Variants in SLC7A11 observed in about 807,000 individuals in gnomAD.
The protein encoded by SLC7A11 is cystine/glutamate transporter.
SLC7A11 carries 35 observed loss-of-function variants against 54.5 expected under a neutral mutation model. The ratio of observed to expected loss-of-function variants is 0.64; its 90% CI spans 0.49 to 0.85. The LOEUF (loss-of-function observed/expected upper bound fraction) is 0.85, where lower values mean the gene tolerates loss of function less well. Ranked by LOEUF, SLC7A11 falls within the 40% of genes least tolerant of loss-of-function variation. The pLI, the probability that SLC7A11 is intolerant of heterozygous loss-of-function variation, is 0.00. For synonymous variants in SLC7A11, 230 were observed against 225.2 expected, an observed-to-expected ratio of 1.02 and a Z score of -0.19; for missense variants, 583 against 618.1, an observed-to-expected ratio of 0.94 and a Z score of 0.60.
intron 6 of SLC7A11, among the ~76,000 whole-genome samples, chr4:138,196,728 C>T (rs567575459): frequency 2.6e-5 from 4 of 152,178 alleles, no homozygotes; most frequent in South Asian, 2.1e-4. Context: ...GGCACAATCT[C>T]GGCTCACTGC....
chr4:138,230,301 G>T (rs1309247713), intron 3 of SLC7A11, among the ~76,000 whole-genome samples: 2 of 151,648 alleles, frequency 1.3e-5, no homozygotes, highest in East Asian at 3.9e-4. Flanking sequence ...AAAATAGCTT[G>T]GGTACCAGGT....
At chr4:138,180,465 G>GT (rs911517603) in intron 10 of SLC7A11, among the ~76,000 whole-genome samples, 176 bp downstream of exon 10, 6 of 151,946 alleles carry the variant, frequency 3.9e-5, no homozygotes, top group East Asian at 1.9e-4. Context: ...TGGATCCACT[G>GT]TTTTTTTTCC....
chr4:138,231,241 A>G (rs1459538510), intron 3 of SLC7A11, among the ~76,000 whole-genome samples: 1 of 152,136 alleles, frequency 6.6e-6, no homozygotes, highest in South Asian at 2.1e-4. Flanking sequence ...TACGATGTAC[A>G]CTATTTGGGT....
rs1451735471 is a variant in SLC7A11 at position 138,171,777 on chromosome 4, G to A, written c.*179C>T. ...CATATTCACTTTCTATAACTACATA[G>A]AGTTATAACTAAATTTCTTAGAAAT... On this transcript the variant is annotated 3_prime_UTR_variant, in exon 12 of 12. Transcript: ENST00000280612. The A allele has an allele frequency of 1.4e-5, 10 of 711,464 alleles. No individual in the cohort carries two copies. Among genetic ancestry groups the A allele is most frequent in the Non-Finnish European group, 2.2e-5 (10 of 463,346 alleles). 44.1% of individuals were successfully genotyped at this position (711,464 alleles called of 1,614,324 possible). A position where few individuals can be genotyped will look rare whatever the true frequency, so the allele number is the denominator to read the frequency against.
chr4:138,196,939 C>T (rs577395761), intron 6 of SLC7A11, among the ~76,000 whole-genome samples: 6 of 152,254 alleles, frequency 3.9e-5, no homozygotes, highest in African/African-American at 7.2e-5. Context: ...GGATTACAGG[C>T]GTGAGCCACC....
chr4:138,186,888 A>G (rs1436287698), intron 6 of SLC7A11, among the ~76,000 whole-genome samples: 1 of 152,152 alleles, frequency 6.6e-6, no homozygotes, highest in Non-Finnish European at 1.5e-5. Flanking sequence ...AGATCCCCAT[A>G]TGGGGAGTAA....
intron 6 of SLC7A11, among the ~76,000 whole-genome samples, chr4:138,200,893 A>G (rs1268661280): frequency 6.6e-6 from 1 of 152,152 alleles, no homozygotes; most frequent in Non-Finnish European, 1.5e-5. Flanking sequence ...TAATATGATA[A>G]TTGAAACCAT....
chr4:138,181,308 CT>C (rs1736735611), intron 9 of SLC7A11, among the ~76,000 whole-genome samples: 1 of 151,918 alleles, frequency 6.6e-6, no homozygotes, highest in Non-Finnish European at 1.5e-5. Context: ...AAACATTGAC[CT>C]TTTTTCCTCC....
Position 138,189,806 on chromosome 4 carries a change from T to C in SLC7A11, c.792-4562A>G, listed in dbSNP as rs74756330. Reference sequence around the variant, plus strand: ...TGACTATTGTTTCCAGTGCATCATTTTCGCTAAAAGTGATCCTTGCTATGA... The same window carrying C: ...TGACTATTGTTTCCAGTGCATCATTCTCGCTAAAAGTGATCCTTGCTATGA... On this transcript the variant is annotated intron_variant, in intron 6 of 11. Coordinates refer to ENST00000280612, the MANE Select transcript of SLC7A11 (RefSeq NM_014331.4). 3.3e-3 allele frequency among the ~76,000 whole-genome samples: 501 copies of C among 152,282 alleles called. 5 individuals are homozygous for C. In the East Asian group the frequency reaches 0.046, roughly 14 times the overall value.
intron 6 of SLC7A11, among the ~76,000 whole-genome samples, chr4:138,204,237 C>T (rs953331649): frequency 6.6e-6 from 1 of 152,076 alleles, no homozygotes; most frequent in Non-Finnish European, 1.5e-5. Context: ...CTGGTCTTCT[C>T]ATTGGCTAAC....
chr4:138,206,781 T>G (rs186006684), intron 6 of SLC7A11, among the ~76,000 whole-genome samples: 207 of 152,028 alleles, frequency 1.4e-3, no homozygotes, highest in Admixed American at 4.1e-3. Flanking sequence ...AACCACATGT[T>G]CTATTAGTGC....
Position 138,233,014 on chromosome 4 carries a change from G to A in SLC7A11, c.405-632C>T, listed in dbSNP as rs560436361. Among the ~76,000 whole-genome samples, 109 of 151,806 alleles carry A rather than the reference G, an allele frequency of 7.2e-4. 1 individual carries two copies. In the South Asian group the frequency reaches 9.1e-3, roughly 13 times the overall value. ...GATACAATTAAGAAAATATAAATGAGACAAGAATATGAAATAAATTCAGGT... is the reference window on the plus strand; with the variant it reads ...GATACAATTAAGAAAATATAAATGAAACAAGAATATGAAATAAATTCAGGT... On this transcript the variant is annotated intron_variant, in intron 2 of 11. Transcript: ENST00000280612.
rs1002293526 is a variant in SLC7A11 at position 138,170,541 on chromosome 4, C to G, written c.*1415G>C. On this transcript the variant is annotated 3_prime_UTR_variant, in exon 12 of 12. Transcript: ENST00000280612. Reference sequence around the variant, plus strand: ...ATGTTGGTCAGGCTGGTCTAGAACTCCCGACCTCAGGTGATCCACCCCCTC... The same window carrying G: ...ATGTTGGTCAGGCTGGTCTAGAACTGCCGACCTCAGGTGATCCACCCCCTC... The G allele has an allele frequency of 6.6e-6, 1 of 151,720 alleles. No individual in the cohort carries two copies. The highest frequency in any genetic ancestry group is 1.5e-5 in the Non-Finnish European group (1 of 67,980). The allele number at this position is 151,720 out of a possible 1,614,324, so 9.4% of individuals were successfully genotyped here. A position where few individuals can be genotyped will look rare whatever the true frequency, so the allele number is the denominator to read the frequency against.
In SLC7A11 at chr4:138,168,149, GTCT is replaced by G. The variant is rs879760855; in HGVS notation, c.*3804_*3806del. ...GGTAGAAGTGTACACAACTTTGCTG[GTCT>G]TCTTCAACAAAATTAGTACAGAATT... On this transcript the variant is annotated 3_prime_UTR_variant, in exon 12 of 12. Coordinates refer to ENST00000280612, the MANE Select transcript of SLC7A11 (RefSeq NM_014331.4). The G allele has an allele frequency of 2.0e-5, 3 of 152,046 alleles. No individual in the cohort carries two copies. The highest frequency in any genetic ancestry group is 4.4e-5 in the Non-Finnish European group (3 of 68,008). 9.4% of individuals were successfully genotyped at this position (152,046 alleles called of 1,614,324 possible).
In SLC7A11 at chr4:138,165,912, T is replaced by G. The variant is rs1264885668; in HGVS notation, c.*6044A>C. 6.6e-6 allele frequency: 1 copy of G among 152,216 alleles called. No homozygotes were observed. The highest frequency in any genetic ancestry group is 2.4e-5 in the African/African-American group (1 of 41,466). 9.4% of individuals were successfully genotyped at this position (152,216 alleles called of 1,614,324 possible). ...AAATTGTTGGAGAATTCTGGTTGTT[T>G]GTGCAATAATCATAGTGATTTACAT... is the stretch of plus-strand genomic sequence containing the variant. On this transcript the variant is annotated 3_prime_UTR_variant, in exon 12 of 12. Coordinates refer to ENST00000280612, the MANE Select transcript of SLC7A11 (RefSeq NM_014331.4).
At chr4:138,189,952 G>T (rs958918185) in intron 6 of SLC7A11, among the ~76,000 whole-genome samples, 1 of 152,086 alleles carries the variant, frequency 6.6e-6, no homozygotes, top group Non-Finnish European at 1.5e-5. Flanking sequence ...TTCTCTAATC[G>T]TCTGAATTTA....
rs1359024881 is a variant in SLC7A11, at chr4:138,242,121, T to C, written c.-52A>G. 5 of 1,571,946 alleles carry C rather than the reference T, an allele frequency of 3.2e-6. No individual in the cohort carries two copies. The East Asian group carries it at 7.0e-5, about 22-fold the overall frequency. On this transcript the variant is annotated 5_prime_UTR_variant, in exon 1 of 12. Coordinates refer to ENST00000280612, the MANE Select transcript of SLC7A11 (RefSeq NM_014331.4). ...AACAGAGGGAAAGAAAACAAAACTT[T>C]CAACTTTGGTGTCTCTTGGTGTTAC...
intron 4 of SLC7A11, among the ~76,000 whole-genome samples, chr4:138,222,899 A>T (rs1237957448): frequency 2.4e-4 from 27 of 113,816 alleles, no homozygotes; most frequent in Non-Finnish European, 4.8e-4. Context: ...AATTAAAACT[A>T]AGTGGCAGGT....
intron 6 of SLC7A11, among the ~76,000 whole-genome samples, chr4:138,207,540 A>C (rs957046862): frequency 9.2e-5 from 14 of 152,028 alleles, no homozygotes; most frequent in African/African-American, 3.4e-4. Flanking sequence ...CCCCATTTCT[A>C]CTAAAAATAC....
Sources: allele counts gnomAD v4.1 joint callset (sites outside exome capture counted in the v4.1 genomes callset), GRCh38; gene constraint gnomAD v4.1.1; transcripts MANE v1.5; gene names NCBI Gene and HGNC (gene_info 2026-07-23, HGNC 2026-07-21).